The following PSMD11 variants were observed in gnomAD, a reference collection of about 807,000 sequenced individuals.
PSMD11 encodes the protein proteasome 26S subunit, non-ATPase 11.
Under a neutral mutation model 62.3 loss-of-function variants are expected in PSMD11, and 5 were observed. The ratio of observed to expected loss-of-function variants is 0.08; its 90% CI spans 0.04 to 0.17. PSMD11 has a LOEUF of 0.17. Ranked by LOEUF, PSMD11 falls within the 10% of genes least tolerant of loss-of-function variation. The pLI, the probability that PSMD11 is intolerant of heterozygous loss-of-function variation, is 1.00. For synonymous variants in PSMD11, 191 were observed against 191.8 expected (o/e 1.00, Z 0.03); for missense variants, 310 against 512.9 (o/e 0.60, Z 3.82).
chr17:32,473,331 C>T (rs1029079307), intron 6 of PSMD11, among the ~76,000 whole-genome samples: 4 of 151,048 alleles, frequency 2.6e-5, no homozygotes, highest in Non-Finnish European at 4.4e-5. Flanking sequence ...GGCTGGAGTG[C>T]AGTGGCGCAA....
intron 3 of PSMD11, among the ~76,000 whole-genome samples, chr17:32,463,735 T>A (rs571181904): frequency 2.0e-5 from 3 of 152,352 alleles, no homozygotes; most frequent in Admixed American, 6.5e-5. Flanking sequence ...TCCTAATCTG[T>A]CATAGAAATC....
intron 8 of PSMD11, among the ~76,000 whole-genome samples, 171 bp downstream of exon 8, chr17:32,474,995 C>T (rs1347702158): frequency 5.3e-5 from 8 of 152,114 alleles, no homozygotes. Flanking sequence ...CTGTTAAATT[C>T]TTGGCCTGGA....
chr17:32,458,390 G>C (rs1907711591), intron 3 of PSMD11, among the ~76,000 whole-genome samples: 1 of 152,098 alleles, frequency 6.6e-6, no homozygotes, highest in Non-Finnish European at 1.5e-5. Flanking sequence ...TGGATCCCTG[G>C]CTGTTTGCTG....
At chr17:32,458,928 A>T (rs1329073313) in intron 3 of PSMD11, among the ~76,000 whole-genome samples, 1 of 151,596 alleles carries the variant, frequency 6.6e-6, no homozygotes, top group Admixed American at 6.6e-5. Flanking sequence ...TTTTAACAAT[A>T]TTTATTTTTT....
At chr17:32,458,024 C>T (rs1907702162) in intron 3 of PSMD11, among the ~76,000 whole-genome samples, 2 of 152,158 alleles carry the variant, frequency 1.3e-5, no homozygotes, top group Non-Finnish European at 2.9e-5. Flanking sequence ...TGGTCTCGAA[C>T]TCCTGACCTT....
intron 1 of PSMD11, chr17:32,445,156 C>G (rs1313890933): frequency 6.3e-6 from 1 of 159,128 alleles, no homozygotes; most frequent in Non-Finnish European, 1.4e-5. Flanking sequence ...CGGCAGAAAG[C>G]TCCACTAAGA....
intron 3 of PSMD11, among the ~76,000 whole-genome samples, chr17:32,456,679 G>T (rs559187780): frequency 6.6e-6 from 1 of 152,294 alleles, no homozygotes; most frequent in South Asian, 2.1e-4. Flanking sequence ...ACAGGCGCCC[G>T]CCACCACGCC....
At chr17:32,461,322 C>T (rs2150833397) in intron 3 of PSMD11, among the ~76,000 whole-genome samples, 1 of 152,220 alleles carries the variant, frequency 6.6e-6, no homozygotes, top group Middle Eastern at 3.4e-3. Flanking sequence ...CGTGATCCGC[C>T]CGCTTTGGCC....
rs1042645166 is a variant in PSMD11, at chr17:32,476,133, G to A, written c.849+1309G>A. Among the ~76,000 whole-genome samples the A allele has an allele frequency of 3.3e-5, 5 of 152,022 alleles. No individual in the cohort carries two copies. In the South Asian group the frequency reaches 6.3e-4, roughly 19 times the overall value. On this transcript the variant is annotated intron_variant, in intron 8 of 13. Coordinates refer to ENST00000261712, the MANE Select transcript of PSMD11 (RefSeq NM_002815.4). ...ACAAAAATTAGCCGGGCATGGTAGT[G>A]CATTGGTGGCTGTAATCCCAGCTAC... is the stretch of plus-strand genomic sequence containing the variant.
chr17:32,467,816 T>C (rs562328246), intron 5 of PSMD11, among the ~76,000 whole-genome samples: 24 of 152,324 alleles, frequency 1.6e-4, no homozygotes, highest in African/African-American at 4.8e-4. Flanking sequence ...TTTCTTTTTT[T>C]TAAGTTTGTT....
chr17:32,472,686 C>G (rs1024101319), intron 6 of PSMD11, among the ~76,000 whole-genome samples: 1 of 151,550 alleles, frequency 6.6e-6, no homozygotes, highest in African/African-American at 2.4e-5. Flanking sequence ...TACAGGTGCC[C>G]GCCACCATGC....
chr17:32,460,186 G>C (rs766440609), intron 3 of PSMD11, among the ~76,000 whole-genome samples: 4 of 151,904 alleles, frequency 2.6e-5, no homozygotes, highest in African/African-American at 4.8e-5. Flanking sequence ...AGCCTCCCAA[G>C]TTGCTGGGAC....
At chr17:32,472,535 T>A (rs935879834) in intron 6 of PSMD11, among the ~76,000 whole-genome samples, 9 of 151,238 alleles carry the variant, frequency 6.0e-5, no homozygotes, top group Admixed American at 6.6e-5. Flanking sequence ...CCACTGTGCC[T>A]GACCTCTTTT....
intron 2 of PSMD11, among the ~76,000 whole-genome samples, chr17:32,449,843 T>C (rs1000009688): frequency 6.6e-6 from 1 of 152,226 alleles, no homozygotes; most frequent in African/African-American, 2.4e-5. Context: ...AGTTTTTTTA[T>C]GCATTTAATA....
chr17:32,459,896 G>T (rs111846377), intron 3 of PSMD11, among the ~76,000 whole-genome samples: 1 of 152,158 alleles, frequency 6.6e-6, no homozygotes, highest in African/African-American at 2.4e-5. Flanking sequence ...CAAAGTGCCT[G>T]GTTTATAGGT....
intron 3 of PSMD11, among the ~76,000 whole-genome samples, chr17:32,457,958 A>T (rs1907699676): frequency 6.6e-6 from 1 of 151,816 alleles, no homozygotes; most frequent in Non-Finnish European, 1.5e-5. Flanking sequence ...CCGCCACTGC[A>T]CCTGGCTAAT....
In PSMD11 at chr17:32,483,304, A is replaced by G. The variant is rs1035214995; in HGVS notation, c.*2552A>G. On this transcript the variant is annotated 3_prime_UTR_variant, in exon 14 of 14. Coordinates refer to ENST00000261712, the MANE Select transcript of PSMD11 (RefSeq NM_002815.4). The stretch of plus-strand genomic sequence containing the variant: ...TTTTGGGTATTGGGTTAAATAAAAT[A>G]TATTATTAAAATTCACCTGTTTCCC... The G allele has an allele frequency of 2.0e-5, 3 of 152,278 alleles. No homozygotes were observed. Among genetic ancestry groups the G allele is most frequent in the Non-Finnish European group, 4.4e-5 (3 of 68,050 alleles). The allele number at this position is 152,278 out of a possible 1,614,324, so 9.4% of individuals were successfully genotyped here. A position where few individuals can be genotyped will look rare whatever the true frequency, so the allele number is the denominator to read the frequency against.
chr17:32,449,218 A>C (rs1386706422), intron 2 of PSMD11, among the ~76,000 whole-genome samples: 4 of 152,118 alleles, frequency 2.6e-5, no homozygotes, highest in Non-Finnish European at 5.9e-5. Context: ...CAGCTCTGGC[A>C]ACATAATGAG....
intron 2 of PSMD11, among the ~76,000 whole-genome samples, chr17:32,449,108 AT>A (rs1567851114): frequency 6.6e-6 from 1 of 152,152 alleles, no homozygotes; most frequent in Middle Eastern, 3.4e-3. Flanking sequence ...TGATGTGAAA[AT>A]TTTTTTTGTT....
Sources: allele counts gnomAD v4.1 joint callset (sites outside exome capture counted in the v4.1 genomes callset), GRCh38; gene constraint gnomAD v4.1.1; transcripts MANE v1.5; gene names NCBI Gene and HGNC (gene_info 2026-07-23, HGNC 2026-07-21).